COL3A1: variants seen among roughly 807,000 people sequenced by gnomAD.
COL3A1 encodes collagen type III alpha 1 chain.
A neutral mutation model predicts 200.9 loss-of-function variants in COL3A1; 46 were observed. The observed-to-expected ratio is 0.23, with a 90% CI of 0.18 to 0.29. COL3A1 has a LOEUF of 0.29. COL3A1 is among the 10% of genes least tolerant of loss of function. COL3A1 has a pLI of 1.00. For missense variants in COL3A1, 1,367 were observed against 1,917.6 expected, an observed-to-expected ratio of 0.71 and a Z score of 5.36; for synonymous variants, 650 against 628.0, an observed-to-expected ratio of 1.03 and a Z score of -0.52.
intron 21 of COL3A1, 58 bp downstream of exon 21, chr2:188,995,157 G>A: frequency 5.4e-6 from 8 of 1,485,218 alleles, no homozygotes; most frequent in Non-Finnish European, 7.5e-6. Context: ...GGCAGTTCTT[G>A]TATACAATTT....
intron 1 of COL3A1, among the ~76,000 whole-genome samples, chr2:188,982,868 C>T (rs985222249): frequency 9.2e-5 from 14 of 151,778 alleles, no homozygotes; most frequent in African/African-American, 3.1e-4. Flanking sequence ...CCCAAATTTT[C>T]GGACCTTTTC....
intron 9 of COL3A1, 23 bp from the exon 10 acceptor site, chr2:188,990,284 A>G (rs373002636): frequency 1.5e-5 from 24 of 1,608,742 alleles, no homozygotes; most frequent in Non-Finnish European, 1.8e-5. Context: ...GTTCATTAAT[A>G]TTTTTTCATT....
intron 49 of COL3A1, 87 bp downstream of exon 49, chr2:189,010,452 A>T: frequency 6.5e-7 from 1 of 1,541,634 alleles, no homozygotes; most frequent in Non-Finnish European, 9.0e-7. Flanking sequence ...CAAAGTTACT[A>T]GGTTGGTACA....
intron 8 of COL3A1, 23 bp from the exon 9 acceptor site, chr2:188,990,073 G>A (rs781636691): frequency 1.7e-5 from 28 of 1,611,086 alleles, no homozygotes; most frequent in Non-Finnish European, 2.3e-5. Context: ...GAGCACCTAC[G>A]TATTCTTTAT....
At chr2:189,010,592 C>T (rs1688700876) in intron 49 of COL3A1, 56 bp from the exon 50 acceptor site, 1 of 1,611,092 alleles carries the variant, frequency 6.2e-7, no homozygotes, top group Admixed American at 1.7e-5. Context: ...ACATGAATCC[C>T]TCGCGTGCAG....
intron 34 of COL3A1, among the ~76,000 whole-genome samples, chr2:189,001,912 A>C (rs977339863): frequency 2.0e-5 from 3 of 152,196 alleles, no homozygotes; most frequent in Non-Finnish European, 4.4e-5. Context: ...TTCTAGATTT[A>C]AAAGTCTTGA....
chr2:188,985,926 T>C (rs1032208582), intron 4 of COL3A1, 148 bp downstream of exon 4: 2 of 673,382 alleles, frequency 3.0e-6, no homozygotes, highest in Non-Finnish European at 5.4e-6. Context: ...TTAGTGCTTC[T>C]ATGTATTAGG....
At chr2:188,990,463 A>G in intron 10 of COL3A1, 103 bp downstream of exon 10, 1 of 919,638 alleles carries the variant, frequency 1.1e-6, no homozygotes. Context: ...TATGATTCTG[A>G]CAATTAATTA....
At chr2:188,998,545 T>C (rs1688380059) in intron 28 of COL3A1, 129 bp from the exon 29 acceptor site, 1 of 1,056,866 alleles carries the variant, frequency 9.5e-7, no homozygotes, top group Non-Finnish European at 1.4e-6. Context: ...TGAAAAATTA[T>C]ACAGTATGCC....
chr2:189,001,686 A>C (rs779528285), intron 34 of COL3A1, 97 bp downstream of exon 34: 1 of 1,246,438 alleles, frequency 8.0e-7, no homozygotes, highest in Non-Finnish European at 1.2e-6. Context: ...CAGTTCCCTG[A>C]GCCTCAATTT....
chr2:188,998,134 C>A, intron 27 of COL3A1, 132 bp from the exon 28 acceptor site: 1 of 783,126 alleles, frequency 1.3e-6, no homozygotes. Flanking sequence ...TTTTGAGTGG[C>A]ACAACGTTTC....
In COL3A1 at chr2:189,009,180, A is replaced by C. The variant is rs913313335; in HGVS notation, c.3782A>C (p.Asn1261Thr). The C allele has an allele frequency of 1.2e-6, 2 of 1,614,234 alleles. No individual in the cohort carries two copies. Among genetic ancestry groups the C allele is most frequent in the Non-Finnish European group, 1.7e-6 (2 of 1,180,044 alleles). Reference protein sequence around the residue: ...PDGSRKNPARNCRDLKFCHPE... With the variant: ...PDGSRKNPARTCRDLKFCHPE... Reference sequence around the variant, plus strand: ...GGTTCTCGTAAAAACCCCGCTAGAAACTGCAGAGACCTGAAATTCTGCCAT... The same window carrying C: ...GGTTCTCGTAAAAACCCCGCTAGAACCTGCAGAGACCTGAAATTCTGCCAT... Residue 1261 changes from asparagine (N) to threonine (T), a missense_variant, in exon 48 of 51, where the codon AAC becomes ACC. By Grantham distance (65) the Asn-to-Thr change is moderately conservative (BLOSUM62 0). This residue lies in a region of COL3A1 where 846 missense variants were observed against 1,147.9 expected (regional missense o/e 0.74). Coordinates refer to ENST00000304636, the MANE Select transcript of COL3A1 (RefSeq NM_000090.4).
chr2:188,997,183 G>A lies in COL3A1; in HGVS notation c.1780G>A (p.Gly594Arg). Residue 594 changes from glycine (G) to arginine (R), a missense_variant, in exon 25 of 51, where the codon GGA becomes AGA. Transcript: ENST00000304636. ...TCTTTAGGGTGCTCCTGGTAAGAAT[G>A]GAGAACGAGGTGGCCCTGGAGGACC... ...KGNDGAPGKNGERGGPGGPGP... is the reference protein window; with the variant it reads ...KGNDGAPGKNRERGGPGGPGP... 6.2e-7 allele frequency: 1 copy of A among 1,614,002 alleles called. No homozygotes were observed. The highest frequency in any genetic ancestry group is 2.2e-5 in the East Asian group (1 of 44,876).
chr2:188,993,935 A>C, intron 16 of COL3A1, 103 bp from the exon 17 acceptor site: 2 of 1,084,676 alleles, frequency 1.8e-6, no homozygotes, highest in Non-Finnish European at 2.8e-6. Context: ...ATCTCTACAA[A>C]GCATAACACT....
chr2:189,007,935 C>A lies in COL3A1; in HGVS notation c.3414C>A (p.Pro1138=), dbSNP rs199540706. Residue 1138 remains proline (P), a synonymous_variant, in exon 46 of 51, where the codon CCC becomes CCA. Coordinates refer to ENST00000304636, the MANE Select transcript of COL3A1 (RefSeq NM_000090.4). ...TCGGCAGTCCAGGACCTGCAGGCCC[C>A]AGAGTAAGTAGCACAGAAAGATATT... The part of the protein sequence containing the change: ...GAIGSPGPAG[P]RGPVGPSGPP... 1 of 1,614,134 alleles carries A rather than the reference C, an allele frequency of 6.2e-7. No homozygotes were observed. Among genetic ancestry groups the A allele is most frequent in the African/African-American group, 1.3e-5 (1 of 75,028 alleles).
intron 21 of COL3A1, 140 bp from the exon 22 acceptor site, chr2:188,995,552 T>C: frequency 1.6e-6 from 1 of 640,572 alleles, no homozygotes; most frequent in Non-Finnish European, 2.7e-6. Flanking sequence ...AGATAACTGA[T>C]TTTATGTATA....
rs3215251 is a variant in COL3A1, at chr2:189,001,616, AC to A, written c.2391+28del. 0.041 allele frequency: 65,859 copies of A among 1,613,292 alleles called. 5,399 individuals are homozygous for A. Among genetic ancestry groups the A allele is most frequent in the African/African-American group, 0.35 (26,474 of 74,898 alleles). ...TAAGTGTTAAAGACATTCTCAACAT[AC>A]TTTTTAACCCCATACAGACAGTAGC... On this transcript the variant is annotated intron_variant, in intron 34 of 50. Coordinates refer to ENST00000304636, the MANE Select transcript of COL3A1 (RefSeq NM_000090.4).
At chr2:188,980,403 GACAATTCTAAAAGATTAATCTTTTAGAC>G (rs1687927454) in intron 1 of COL3A1, among the ~76,000 whole-genome samples, 6 of 16,332 alleles carry the variant, frequency 3.7e-4, no homozygotes, top group Admixed American at 7.8e-4. Context: ...TAATCTTTTA[GACAATTCTAAAAGATTAATCTTTTAGAC>G]AATTCTAAAA....
rs771745723 is a variant in COL3A1 at position 188,998,736 on chromosome 2, TC to T, written c.2022+19del. ...GAGGCAAGGTAGTATTTCAATTTAT[TC>T]TCTACCTTCTTCAGCAGGTTATAGA... On this transcript the variant is annotated intron_variant, in intron 29 of 50. Coordinates refer to ENST00000304636, the MANE Select transcript of COL3A1 (RefSeq NM_000090.4). The T allele has an allele frequency of 6.2e-7, 1 of 1,611,390 alleles. No homozygotes were observed. Among genetic ancestry groups the T allele is most frequent in the Admixed American group, 1.7e-5 (1 of 60,000 alleles).
Sources: allele counts gnomAD v4.1 joint callset (sites outside exome capture counted in the v4.1 genomes callset), GRCh38; gene constraint gnomAD v4.1.1; regional missense constraint gnomAD v4.1.1; transcripts MANE v1.5; gene names NCBI Gene and HGNC (gene_info 2026-07-23, HGNC 2026-07-21).